Variants in EIF4A3 observed in about 807,000 individuals in gnomAD.
The protein encoded by EIF4A3 is eukaryotic translation initiation factor 4A3.
Under a neutral mutation model 55.6 loss-of-function variants are expected in EIF4A3, and 1 was observed. The observed-to-expected ratio is 0.02, with a 90% CI of 0.01 to 0.09. The LOEUF (loss-of-function observed/expected upper bound fraction) is 0.09, where lower values mean the gene tolerates loss of function less well. Among genes scored for constraint, EIF4A3 ranks in the 10% least tolerant of loss-of-function variants. EIF4A3 has a pLI of 1.00. For synonymous variants in EIF4A3, 194 were observed against 196.3 expected (o/e 0.99, Z 0.10); for missense variants, 221 against 540.7 (o/e 0.41, Z 5.86).
intron 7 of EIF4A3, chr17:80,138,794 A>AT: frequency 1.8e-6 from 1 of 552,942 alleles, no homozygotes; most frequent in Non-Finnish European, 3.2e-6. Flanking sequence ...TACGGTCTCT[A>AT]TATGTTGCCC....
intron 1 of EIF4A3, among the ~76,000 whole-genome samples, chr17:80,144,670 T>TA (rs200052322): frequency 0.058 from 8,502 of 146,826 alleles, 364 homozygotes; most frequent in East Asian, 0.23. Flanking sequence ...CTTTTTAAAT[T>TA]AAAAAAAAAA....
At chr17:80,143,237 C>A (rs2039631998) in intron 2 of EIF4A3, among the ~76,000 whole-genome samples, 1 of 152,070 alleles carries the variant, frequency 6.6e-6, no homozygotes, top group South Asian at 2.1e-4. Context: ...GACCACCCGC[C>A]CCTTGGAGGC....
At chr17:80,141,291 C>G (rs772100067) in intron 4 of EIF4A3, 28 bp downstream of exon 4, 2 of 1,594,566 alleles carry the variant, frequency 1.3e-6, no homozygotes, top group South Asian at 1.1e-5. Context: ...ACTTGTTAAT[C>G]GGACACCGCT....
chr17:80,138,319 T>A, intron 7 of EIF4A3, 39 bp from the exon 8 acceptor site: 1 of 1,609,240 alleles, frequency 6.2e-7, no homozygotes, highest in Non-Finnish European at 8.5e-7. Flanking sequence ...TACTCATCCT[T>A]CCTTCTAGGA....
chr17:80,138,435 A>G lies in EIF4A3; in HGVS notation c.729-155T>C, dbSNP rs1055585756. On this transcript the variant is annotated intron_variant, in intron 7 of 11. Coordinates refer to ENST00000649764, the MANE Select transcript of EIF4A3 (RefSeq NM_014740.4). Reference sequence around the variant, plus strand: ...CCCCAGCCCTGTCCTCCATCCTATCACCACTTCCGTCACACAGGCCTCCAT... The same window carrying G: ...CCCCAGCCCTGTCCTCCATCCTATCGCCACTTCCGTCACACAGGCCTCCAT... The G allele has an allele frequency of 1.7e-5, 13 of 755,106 alleles. No homozygotes were observed. The Admixed American group carries it at 2.3e-4, about 13-fold the overall frequency. 46.8% of individuals were successfully genotyped at this position (755,106 alleles called of 1,614,324 possible). A position where few individuals can be genotyped will look rare whatever the true frequency, so the allele number is the denominator to read the frequency against.
At chr17:80,146,705 C>T (rs2039666629) in intron 1 of EIF4A3, 88 bp downstream of exon 1, 4 of 1,450,862 alleles carry the variant, frequency 2.8e-6, no homozygotes, top group South Asian at 2.7e-5. Flanking sequence ...GAGCGCAGGG[C>T]CGGCCCGGGA....
At chr17:80,143,202 G>A (rs1039145428) in intron 2 of EIF4A3, among the ~76,000 whole-genome samples, 19 of 152,114 alleles carry the variant, frequency 1.2e-4, no homozygotes, top group African/African-American at 4.6e-4. Flanking sequence ...CACAGACAGT[G>A]GAACACAAGG....
At chr17:80,137,849 T>C (rs1364879692) in intron 8 of EIF4A3, among the ~76,000 whole-genome samples, 3 of 152,112 alleles carry the variant, frequency 2.0e-5, no homozygotes, top group Non-Finnish European at 1.5e-5. Context: ...TGCCTCCACA[T>C]TACCATCACC....
At chr17:80,135,883 A>C in intron 11 of EIF4A3, 121 bp downstream of exon 11, 1 of 1,389,634 alleles carries the variant, frequency 7.2e-7, no homozygotes, top group Non-Finnish European at 9.8e-7. Flanking sequence ...TGACAGAGCG[A>C]AACTTCGTCT....
chr17:80,140,274 TCTC>T (rs2039606525), intron 4 of EIF4A3, 134 bp from the exon 5 acceptor site: 6 of 1,122,112 alleles, frequency 5.3e-6, no homozygotes, highest in Non-Finnish European at 7.0e-6. Flanking sequence ...ACCACAAAAT[TCTC>T]CTGCTCTTTT....
Position 80,135,357 on chromosome 17 carries a change from G to A in EIF4A3, c.*133C>T, listed in dbSNP as rs2039561850. ...GCAGAATCCCCATATCCTCTTCAAA[G>A]GAAGGGAGACGGCAGGCCATTTATG... On this transcript the variant is annotated 3_prime_UTR_variant, in exon 12 of 12. Coordinates refer to ENST00000649764, the MANE Select transcript of EIF4A3 (RefSeq NM_014740.4). The A allele has an allele frequency of 3.1e-6, 3 of 954,004 alleles. No individual in the cohort carries two copies. Among genetic ancestry groups the A allele is most frequent in the South Asian group, 3.8e-5 (2 of 52,260 alleles). The allele number at this position is 954,004 out of a possible 1,614,324, so 59.1% of individuals were successfully genotyped here. A position where few individuals can be genotyped will look rare whatever the true frequency, so the allele number is the denominator to read the frequency against.
intron 5 of EIF4A3, 67 bp downstream of exon 5, chr17:80,139,939 TCC>T: frequency 6.3e-7 from 1 of 1,580,160 alleles, no homozygotes; most frequent in Admixed American, 1.8e-5. Context: ...TCGAAAGCTG[TCC>T]TGTACCATTT....
chr17:80,142,379 C>T (rs138947519), intron 2 of EIF4A3, among the ~76,000 whole-genome samples: 20 of 152,294 alleles, frequency 1.3e-4, no homozygotes, highest in African/African-American at 4.3e-4. Flanking sequence ...AACAATCTCT[C>T]TGACCTTCTG....
chr17:80,136,346 A>C lies in EIF4A3; in HGVS notation c.984-11T>G. 1 of 1,607,842 alleles carries C rather than the reference A, an allele frequency of 6.2e-7. No homozygotes were observed. Among genetic ancestry groups the C allele is most frequent in the South Asian group, 1.1e-5 (1 of 90,534 alleles). ...GAAATAAGCACTCGGCTGCAAAAAGAAAGAGTGTTTGAGGCGATTAAATTA... is the reference window on the plus strand; with the variant it reads ...GAAATAAGCACTCGGCTGCAAAAAGCAAGAGTGTTTGAGGCGATTAAATTA... On this transcript the variant is annotated splice_polypyrimidine_tract_variant and intron_variant, in intron 9 of 11. Transcript: ENST00000649764.
chr17:80,139,113 T>C lies in EIF4A3; in HGVS notation c.636A>G (p.Thr212=). ...YDVYRYLPPA[T]QVVLISATLP... ...GCGTGGCACTGATGAGAACCACCTG[T>C]GTGGCTGGAGGCAGGTACCTGTATA... The change falls in exon 7 of 12, where the codon ACA becomes ACG. Residue 212 remains threonine, a synonymous_variant. Coordinates refer to ENST00000649764, the MANE Select transcript of EIF4A3 (RefSeq NM_014740.4). 6.2e-7 allele frequency: 1 copy of C among 1,614,128 alleles called. No individual in the cohort carries two copies. Among genetic ancestry groups the C allele is most frequent in the Non-Finnish European group, 8.5e-7 (1 of 1,180,030 alleles).
In EIF4A3 at chr17:80,136,248, G is replaced by A; in HGVS notation, c.1071C>T (p.Asn357=). ...CTTACCTGTGTATGTACAATTCTCTGTTATTAGGGAGATCATAGTTAATGA... is the reference window on the plus strand; with the variant it reads ...CTTACCTGTGTATGTACAATTCTCTATTATTAGGGAGATCATAGTTAATGA... ...SLIINYDLPN[N]RELYIHRIGR... Residue 357 remains asparagine, a synonymous_variant, in exon 10 of 12, where the codon AAC becomes AAT. Coordinates refer to ENST00000649764, the MANE Select transcript of EIF4A3 (RefSeq NM_014740.4). 1 of 1,614,048 alleles carries A rather than the reference G, an allele frequency of 6.2e-7. No individual in the cohort carries two copies. The highest frequency in any genetic ancestry group is 8.5e-7 in the Non-Finnish European group (1 of 1,179,920).
At chr17:80,145,212 T>C (rs2039649640) in intron 1 of EIF4A3, among the ~76,000 whole-genome samples, 1 of 152,160 alleles carries the variant, frequency 6.6e-6, no homozygotes, top group Admixed American at 6.5e-5. Flanking sequence ...GAGATGCTTT[T>C]TCACCACGCA....
chr17:80,145,101 G>A (rs1204823827), intron 1 of EIF4A3, among the ~76,000 whole-genome samples: 1 of 152,214 alleles, frequency 6.6e-6, no homozygotes, highest in African/African-American at 2.4e-5. Flanking sequence ...TTCATGAAGA[G>A]CAAGCACATA....
chr17:80,136,261 T>G lies in EIF4A3; in HGVS notation c.1058A>C (p.Asp353Ala). Residue 353 changes from aspartate to alanine, a missense_variant, in exon 10 of 12, where the codon GAT becomes GCT. Asp to Ala is a moderately radical substitution (Grantham distance 126). Transcript: ENST00000649764. ...GTACAATTCTCTGTTATTAGGGAGA[T>G]CATAGTTAATGATGAGGGACACCTG... Reference protein sequence around the residue: ...VPQVSLIINYDLPNNRELYIH... With the variant: ...VPQVSLIINYALPNNRELYIH... 1 of 1,614,100 alleles carries G rather than the reference T, an allele frequency of 6.2e-7. No homozygotes were observed. The highest frequency in any genetic ancestry group is 8.5e-7 in the Non-Finnish European group (1 of 1,180,012).
Sources: allele counts gnomAD v4.1 joint callset (sites outside exome capture counted in the v4.1 genomes callset), GRCh38; gene constraint gnomAD v4.1.1; transcripts MANE v1.5; gene names NCBI Gene and HGNC (gene_info 2026-07-23, HGNC 2026-07-21).